The following CDH23 variants were observed in gnomAD, a reference collection of about 807,000 sequenced individuals.
CDH23 encodes the protein cadherin related 23.
A neutral mutation model predicts 317.1 loss-of-function variants in CDH23; 189 were observed. That is an observed-to-expected ratio of 0.60 (90% CI 0.53 to 0.67). The LOEUF is 0.67. Ranked by LOEUF, CDH23 falls within the 30% of genes least tolerant of loss-of-function variation. The probability of loss-of-function intolerance (pLI) is 0.00; values close to 1 mark genes in which losing one functional copy is unlikely to be tolerated. For missense variants in CDH23, 4,401 were observed against 4,592.4 expected (o/e 0.96, Z 1.20); for synonymous variants, 1,839 against 1,876.8 (o/e 0.98, Z 0.52).
chr10:71,590,859 T>A (rs1337163123), intron 9 of CDH23, among the ~76,000 whole-genome samples: 58 of 121,302 alleles, frequency 4.8e-4, no homozygotes, highest in African/African-American at 1.8e-3. Flanking sequence ...GGCAACAGAG[T>A]GAGACCCTGT....
At chr10:71,484,896 C>G (rs1852260339) in intron 3 of CDH23, among the ~76,000 whole-genome samples, 1 of 151,922 alleles carries the variant, frequency 6.6e-6, no homozygotes, top group Admixed American at 6.5e-5. Flanking sequence ...AACTTACATA[C>G]AAGTTCATGT....
rs1841927544 is a variant in CDH23 at position 71,811,598 on chromosome 10, T to A, written c.9278+8T>A. ...CTGGTACTACAGGACTGTGTGAGTG[T>A]CCCCCACCCCTGCCATCAGGGGGCC... On this transcript the variant is annotated splice_region_variant and intron_variant, in intron 64 of 69. Coordinates refer to ENST00000224721, the MANE Select transcript of CDH23 (RefSeq NM_022124.6). The A allele has an allele frequency of 1.2e-6, 2 of 1,613,642 alleles. No individual in the cohort carries two copies.
chr10:71,790,202 G>A, intron 45 of CDH23, 86 bp from the exon 46 acceptor site: 1 of 1,546,250 alleles, frequency 6.5e-7, no homozygotes, highest in Admixed American at 1.8e-5. Context: ...TCCATCGTCA[G>A]CCATGGCTCA....
chr10:71,701,191 T>A (rs74147031), intron 22 of CDH23, among the ~76,000 whole-genome samples: 114 of 152,296 alleles, frequency 7.5e-4, no homozygotes, highest in African/African-American at 2.7e-3. Context: ...TGTGTGACCC[T>A]AAGACTGGCC....
intron 38 of CDH23, among the ~76,000 whole-genome samples, chr10:71,754,687 G>A (rs951551849): frequency 1.3e-5 from 2 of 152,176 alleles, no homozygotes; most frequent in African/African-American, 2.4e-5. Context: ...CTGTGCCTCC[G>A]TTTGCCCATC....
At chr10:71,603,246 C>T (rs941941799) in intron 9 of CDH23, among the ~76,000 whole-genome samples, 8 of 152,196 alleles carry the variant, frequency 5.3e-5, no homozygotes, top group East Asian at 3.8e-4. Context: ...GTCTGATCAC[C>T]GTCCTCTTTG....
intron 3 of CDH23, among the ~76,000 whole-genome samples, chr10:71,497,838 T>G (rs773963953): frequency 2.6e-5 from 4 of 152,146 alleles, no homozygotes; most frequent in Non-Finnish European, 5.9e-5. Flanking sequence ...CAGCCCTGTT[T>G]TCTCCTTTGT....
intron 2 of CDH23, among the ~76,000 whole-genome samples, chr10:71,445,240 GA>G (rs1267677505): frequency 3.9e-5 from 6 of 152,214 alleles, no homozygotes; most frequent in African/African-American, 1.4e-4. Flanking sequence ...ATAGGGATGT[GA>G]TAGCACCTGC....
chr10:71,701,890 T>G (rs111542462), intron 22 of CDH23, 132 bp from the exon 23 acceptor site: 1 of 901,538 alleles, frequency 1.1e-6, no homozygotes, highest in African/African-American at 1.6e-5. Flanking sequence ...CCAGCGGGGA[T>G]GCCCACTTCC....
chr10:71,589,273 C>A (rs927209686), intron 9 of CDH23, among the ~76,000 whole-genome samples: 1 of 152,288 alleles, frequency 6.6e-6, no homozygotes, highest in African/African-American at 2.4e-5. Context: ...GCACCCGCCA[C>A]CACACCCAGC....
intron 31 of CDH23, among the ~76,000 whole-genome samples, chr10:71,731,430 C>T (rs1487448564): frequency 2.0e-5 from 3 of 152,178 alleles, no homozygotes; most frequent in Non-Finnish European, 4.4e-5. Context: ...GGCACATACG[C>T]GGCTGTGGCC....
intron 3 of CDH23, among the ~76,000 whole-genome samples, chr10:71,500,789 CT>C (rs1353286912): frequency 2.1e-5 from 3 of 145,398 alleles, no homozygotes; most frequent in African/African-American, 8.2e-5. Flanking sequence ...CTTTTCTTTT[CT>C]TTTCTTTTCT....
chr10:71,635,275 T>C (rs985818886), intron 11 of CDH23: 1 of 151,880 alleles, frequency 6.6e-6, no homozygotes, highest in Admixed American at 6.6e-5. Context: ...CCGGAGGGAG[T>C]GGGGGAAGGT....
At chr10:71,782,359 G>C (rs1840980611) in intron 41 of CDH23, among the ~76,000 whole-genome samples, 1 of 152,238 alleles carries the variant, frequency 6.6e-6, no homozygotes, top group South Asian at 2.1e-4. Context: ...AGGTGGGCCA[G>C]GGTTTGTCCA....
rs1360394135 is a variant in CDH23 at position 71,751,056 on chromosome 10, G to A, written c.4845+9135G>A. On this transcript the variant is annotated intron_variant, in intron 38 of 69. Transcript: ENST00000224721. The surrounding 1 kb of genome is among the most constrained non-coding windows in gnomAD (Gnocchi z 4.9). ...AGCACCCCAAAATCCTTGGAACAGG[G>A]GCTGAGCCGTCCAGCATCCCCATGT... 1.6e-6 allele frequency: 1 copy of A among 627,710 alleles called. No individual in the cohort carries two copies. The allele number at this position is 627,710 out of a possible 1,614,324, so 38.9% of individuals were successfully genotyped here. A position where few individuals can be genotyped will look rare whatever the true frequency, so the allele number is the denominator to read the frequency against.
At chr10:71,695,008 G>A (rs1306468160) in intron 21 of CDH23, among the ~76,000 whole-genome samples, 5 of 152,182 alleles carry the variant, frequency 3.3e-5, no homozygotes, top group East Asian at 1.9e-4. Context: ...AGGAATCAGA[G>A]CCCTATAAAT....
chr10:71,690,739 T>C (rs1038329098), intron 20 of CDH23, among the ~76,000 whole-genome samples, 155 bp downstream of exon 20: 1 of 152,214 alleles, frequency 6.6e-6, no homozygotes, highest in African/African-American at 2.4e-5. Flanking sequence ...AATATTAATT[T>C]GAGTGTGATT....
At chr10:71,625,396 T>TAA (rs1156772192) in intron 11 of CDH23, among the ~76,000 whole-genome samples, 397 of 19,804 alleles carry the variant, frequency 0.02, 28 homozygotes, top group Non-Finnish European at 0.027. Flanking sequence ...CCAAATAAAT[T>TAA]AAAAAAAAAA....
intron 38 of CDH23, chr10:71,753,686 C>T (rs1840062999): frequency 2.2e-6 from 1 of 447,128 alleles, no homozygotes; most frequent in Non-Finnish European, 4.5e-6. Flanking sequence ...GTGACCCCAA[C>T]TTCCCTCTTT....
Sources: gnomAD v4.1 joint callset for allele counts (sites outside exome capture counted in the v4.1 genomes callset) on GRCh38, gnomAD v4.1.1 for gene constraint, Gnocchi (gnomAD v3.1) non-coding constraint, MANE v1.5 for transcripts, NCBI Gene and HGNC (gene_info 2026-07-23, HGNC 2026-07-21) for gene names.